The following ENGASE variants were observed in gnomAD, a reference collection of about 807,000 sequenced individuals.
The protein encoded by ENGASE is cytosolic endo-beta-N-acetylglucosaminidase.
Under a neutral mutation model 78.5 loss-of-function variants are expected in ENGASE, and 69 were observed. The observed-to-expected ratio is 0.88, with a 90% CI of 0.72 to 1.07. The LOEUF is 1.07. Ranked by LOEUF, ENGASE falls within the 50% of genes least tolerant of loss-of-function variation. ENGASE has a pLI of 0.00. For missense variants in ENGASE, 943 were observed against 988.4 expected (o/e 0.95, Z 0.62); for synonymous variants, 408 against 408.9 (o/e 1.00, Z 0.03).
chr17:79,081,700 G>A (rs893066535), intron 6 of ENGASE, among the ~76,000 whole-genome samples, 198 bp from the exon 7 acceptor site: 4 of 150,816 alleles, frequency 2.7e-5, no homozygotes, highest in African/African-American at 9.8e-5. Flanking sequence ...TGCAGGTGGA[G>A]GGGGTGGCCC....
chr17:79,087,409 C>A lies in ENGASE; in HGVS notation c.*1060C>A. ...GAGGCAGGGTCTTCACCACAGGCGC[C>A]TTCCTCTGTCCTTCCTGCTCTTTCT... On this transcript the variant is annotated 3_prime_UTR_variant, in exon 14 of 14. Transcript: ENST00000579016. 4.4e-6 allele frequency: 1 copy of A among 228,122 alleles called. No individual in the cohort carries two copies. Among genetic ancestry groups the A allele is most frequent in the Non-Finnish European group, 9.0e-6 (1 of 110,608 alleles). 14.1% of individuals were successfully genotyped at this position (228,122 alleles called of 1,614,324 possible).
chr17:79,081,356 G>A (rs1049854614), intron 6 of ENGASE, among the ~76,000 whole-genome samples: 9 of 152,138 alleles, frequency 5.9e-5, no homozygotes, highest in Admixed American at 5.9e-4. Flanking sequence ...CAAAAAATTA[G>A]CTGGGCATGG....
In ENGASE at chr17:79,083,320, C is replaced by G; in HGVS notation, c.1143-162C>G. On this transcript the variant is annotated intron_variant, in intron 8 of 13. Transcript: ENST00000579016. The surrounding 1 kb of genome is among the most constrained non-coding windows in gnomAD (Gnocchi z 4.9). ...ACCCAGCGGCCGCTTCCTGCAGACTCGTGTTTGCAGCGTATCTGTAGACGG... is the reference window on the plus strand; with the variant it reads ...ACCCAGCGGCCGCTTCCTGCAGACTGGTGTTTGCAGCGTATCTGTAGACGG... 2 of 697,700 alleles carry G rather than the reference C, an allele frequency of 2.9e-6. No individual in the cohort carries two copies. Among genetic ancestry groups the G allele is most frequent in the South Asian group, 1.8e-5 (1 of 54,372 alleles). The allele number at this position is 697,700 out of a possible 1,614,324, so 43.2% of individuals were successfully genotyped here. A position where few individuals can be genotyped will look rare whatever the true frequency, so the allele number is the denominator to read the frequency against.
intron 10 of ENGASE, chr17:79,084,238 C>CA (rs2073227695): frequency 1.9e-6 from 1 of 513,460 alleles, no homozygotes; most frequent in Admixed American, 4.0e-5. Flanking sequence ...ATTAGCCCCC[C>CA]ATCCTCCCCC....
intron 10 of ENGASE, 174 bp from the exon 11 acceptor site, chr17:79,084,364 A>G (rs985897826): frequency 3.2e-6 from 2 of 626,700 alleles, no homozygotes; most frequent in African/African-American, 3.8e-5. Flanking sequence ...CCACAAAAGA[A>G]TCTGGCCTTG....
At chr17:79,078,996 C>G (rs2145978230) in intron 3 of ENGASE, among the ~76,000 whole-genome samples, 1 of 152,328 alleles carries the variant, frequency 6.6e-6, no homozygotes, top group African/African-American at 2.4e-5. Context: ...AGCACTCTGC[C>G]TGTGGCTACA....
intron 6 of ENGASE, among the ~76,000 whole-genome samples, chr17:79,081,650 C>G (rs566029458): frequency 5.9e-5 from 9 of 152,010 alleles, no homozygotes; most frequent in African/African-American, 1.7e-4. Flanking sequence ...CTGTGAGTTG[C>G]AGGTGCCTCT....
chr17:79,080,431 C>T (rs1389090505), intron 5 of ENGASE, 67 bp downstream of exon 5: 3 of 1,573,702 alleles, frequency 1.9e-6, no homozygotes, highest in East Asian at 2.3e-5. Flanking sequence ...CACCTCTTTC[C>T]TGCCTTGGCC....
rs1206250778 is a variant in ENGASE, at chr17:79,086,195, C to T, written c.2078C>T (p.Thr693Ile). ...ATGTTCCTGGGGTTGGCTTTTGCCA[C>T]CCAGTACCGGATAGTGGACCTGCTG... ...MPMFLGLAFA[T>I]QYRIVDLLVE... is the part of the protein sequence containing the mutation. The change falls in exon 14 of 14, where the codon ACC (threonine) becomes ATC (isoleucine). Residue 693 changes from threonine (T) to isoleucine (I), a missense_variant. Thr to Ile is a moderately conservative substitution (Grantham distance 89). Transcript: ENST00000579016. 6.2e-7 allele frequency: 1 copy of T among 1,613,686 alleles called. No individual in the cohort carries two copies. The highest frequency in any genetic ancestry group is 8.5e-7 in the Non-Finnish European group (1 of 1,180,030).
rs752542664 is a variant in ENGASE, at chr17:79,086,090, T to C, written c.1973T>C (p.Val658Ala). The C allele has an allele frequency of 6.2e-7, 1 of 1,613,602 alleles. No individual in the cohort carries two copies. Among genetic ancestry groups the C allele is most frequent in the Non-Finnish European group, 8.5e-7 (1 of 1,180,022 alleles). The change falls in exon 14 of 14, where the codon GTC becomes GCC. Residue 658 changes from valine (V) to alanine (A), a missense_variant. Val to Ala is a moderately conservative substitution (Grantham distance 64). Transcript: ENST00000579016. ...TLHWSFLLSQVRCFRIHCWGG... is the reference protein window; with the variant it reads ...TLHWSFLLSQARCFRIHCWGG... ...CACTGGTCCTTCCTCCTCTCACAAG[T>C]CCGTTGCTTCCGAATCCACTGCTGG...
In ENGASE at chr17:79,087,217, G is replaced by C. The variant is rs1261958428; in HGVS notation, c.*868G>C. On this transcript the variant is annotated 3_prime_UTR_variant, in exon 14 of 14. Transcript: ENST00000579016. ...AGGCAGGAAGCAGCACCTGCCCCCCGCGCCAGCCCAGCCCCAGCCTGAGTG... is the reference window on the plus strand; with the variant it reads ...AGGCAGGAAGCAGCACCTGCCCCCCCCGCCAGCCCAGCCCCAGCCTGAGTG... The C allele has an allele frequency of 2.8e-6, 1 of 362,882 alleles. No individual in the cohort carries two copies. The allele number at this position is 362,882 out of a possible 1,614,324, so 22.5% of individuals were successfully genotyped here.
At chr17:79,081,516 C>G (rs926055383) in intron 6 of ENGASE, among the ~76,000 whole-genome samples, 3 of 152,026 alleles carry the variant, frequency 2.0e-5, no homozygotes, top group Non-Finnish European at 4.4e-5. Flanking sequence ...AGGCAGAGTT[C>G]TCTTAACATC....
chr17:79,079,652 C>T lies in ENGASE; in HGVS notation c.565+15C>T, dbSNP rs1471875711. 21 of 1,610,292 alleles carry T rather than the reference C, an allele frequency of 1.3e-5. No homozygotes were observed. The highest frequency in any genetic ancestry group is 1.8e-5 in the Non-Finnish European group (21 of 1,178,890). On this transcript the variant is annotated intron_variant, in intron 4 of 13. Coordinates refer to ENST00000579016, the MANE Select transcript of ENGASE (RefSeq NM_001042573.3). ...CTGCGTGCTGGGTAAGAGCCAAGGA[C>T]TCACCTCTGTGTCAGCCAGACTCCT...
rs57180744 is a variant in ENGASE at position 79,084,472 on chromosome 17, T to A, written c.1443-66T>A. 0.013 allele frequency: 18,554 copies of A among 1,455,178 alleles called. 1,805 individuals are homozygous for A. The African/African-American group carries it at 0.22, about 17-fold the overall frequency. 90.1% of individuals were successfully genotyped at this position (1,455,178 alleles called of 1,614,324 possible). The stretch of plus-strand genomic sequence containing the variant: ...TGGAGGGAGGGGCTGGTGGACGCGA[T>A]TTGGAGCTGGCTTCGATTTCTCAGT... On this transcript the variant is annotated intron_variant, in intron 10 of 13. Coordinates refer to ENST00000579016, the MANE Select transcript of ENGASE (RefSeq NM_001042573.3).
At chr17:79,084,032 G>C in intron 10 of ENGASE, 81 bp downstream of exon 10, 1 of 1,267,694 alleles carries the variant, frequency 7.9e-7, no homozygotes, top group Non-Finnish European at 1.1e-6. Context: ...AGATGGGGCA[G>C]TGGAGGCCAG....
Position 79,086,265 on chromosome 17 carries a change from G to C in ENGASE, c.2148G>C (p.Leu716=). The part of the protein sequence containing the change: ...GPGQDRRMEF[L]VEPVPKEGFR... ...GCCAGGATCGTCGCATGGAATTTCT[G>C]GTGGAGCCTGTCCCCAAGGAAGGGT... The change falls in exon 14 of 14, where the codon CTG becomes CTC. Residue 716 remains leucine, a synonymous_variant. Transcript: ENST00000579016. The C allele has an allele frequency of 6.2e-7, 1 of 1,613,634 alleles. No individual in the cohort carries two copies. The highest frequency in any genetic ancestry group is 1.1e-5 in the South Asian group (1 of 91,084).
Position 79,081,951 on chromosome 17 carries a change from A to G in ENGASE, c.926A>G (p.Glu309Gly), listed in dbSNP as rs770664186. The change falls in exon 7 of 14, where the codon GAG (glutamate) becomes GGG (glycine). Residue 309 changes from glutamate (E) to glycine (G), a missense_variant. Physicochemically the swap from Glu to Gly is moderately conservative, Grantham distance 98. Transcript: ENST00000579016. ...TTCACTAACTATAACTGGCGGGAGG[A>G]GCACTTGGAGCGGATGCTGGGGCAG... ...GFFTNYNWRE[E>G]HLERMLGQAG... is the part of the protein sequence containing the mutation. The G allele has an allele frequency of 6.2e-7, 1 of 1,613,984 alleles. No individual in the cohort carries two copies. The highest frequency in any genetic ancestry group is 1.3e-5 in the African/African-American group (1 of 75,000).
At chr17:79,081,785 G>C (rs1599341151) in intron 6 of ENGASE, 113 bp from the exon 7 acceptor site, 1 of 1,336,784 alleles carries the variant, frequency 7.5e-7, no homozygotes, top group African/African-American at 1.6e-5. Flanking sequence ...GTGGGGTGGG[G>C]TGGGCCCATC....
chr17:79,077,283 C>A, intron 1 of ENGASE, 147 bp from the exon 2 acceptor site: 1 of 770,408 alleles, frequency 1.3e-6, no homozygotes, highest in Non-Finnish European at 2.0e-6. Flanking sequence ...CACTTCCTTG[C>A]TTTATACAAT....
Sources: gnomAD v4.1 joint callset for allele counts (sites outside exome capture counted in the v4.1 genomes callset) on GRCh38, gnomAD v4.1.1 for gene constraint, Gnocchi (gnomAD v3.1) non-coding constraint, MANE v1.5 for transcripts, NCBI Gene and HGNC (gene_info 2026-07-23, HGNC 2026-07-21) for gene names.